PIK3CB: variants seen among roughly 807,000 people sequenced by gnomAD.
The protein encoded by PIK3CB is phosphatidylinositol 4,5-bisphosphate 3-kinase catalytic subunit beta isoform.
A neutral mutation model predicts 136.8 loss-of-function variants in PIK3CB; 39 were observed. The ratio of observed to expected loss-of-function variants is 0.29; its 90% CI spans 0.22 to 0.37. The LOEUF is 0.37. PIK3CB is among the 10% of genes least tolerant of loss of function. PIK3CB has a pLI of 1.00. For synonymous variants in PIK3CB, 428 were observed against 436.6 expected (o/e 0.98, Z 0.25); for missense variants, 868 against 1,275.4 (o/e 0.68, Z 4.87).
intron 19 of PIK3CB, among the ~76,000 whole-genome samples, chr3:138,677,530 A>G (rs974496094): frequency 9.2e-5 from 14 of 152,232 alleles, no homozygotes; most frequent in Admixed American, 5.9e-4. Context: ...TAGTTAAAAT[A>G]TAAGTGGTAG....
At chr3:138,811,083 T>C (rs1394902067) in intron 1 of PIK3CB, among the ~76,000 whole-genome samples, 2 of 151,184 alleles carry the variant, frequency 1.3e-5, no homozygotes, top group Non-Finnish European at 2.9e-5. Flanking sequence ...AAAAATAAGC[T>C]GGGCATGGTG....
Position 138,694,916 on chromosome 3 carries a change from A to G in PIK3CB, c.1771-9T>C. The G allele has an allele frequency of 6.3e-7, 1 of 1,591,790 alleles. No homozygotes were observed. Among genetic ancestry groups the G allele is most frequent in the East Asian group, 2.2e-5 (1 of 44,628 alleles). ...TGAAGCAGCGCCTGAAGCTGTTTAA[A>G]AAATGAAACTGGTTCAGAAATAATG... On this transcript the variant is annotated splice_polypyrimidine_tract_variant and intron_variant, in intron 13 of 23. Transcript: ENST00000674063.
intron 16 of PIK3CB, among the ~76,000 whole-genome samples, chr3:138,687,460 T>C (rs969674865): frequency 6.6e-6 from 1 of 152,194 alleles, no homozygotes; most frequent in African/African-American, 2.4e-5. Flanking sequence ...GGAAATGATG[T>C]AATACAATCT....
intron 8 of PIK3CB, among the ~76,000 whole-genome samples, chr3:138,724,549 G>A (rs1163884882): frequency 6.6e-6 from 1 of 152,166 alleles, no homozygotes; most frequent in Non-Finnish European, 1.5e-5. Context: ...CCGGTGTGGA[G>A]CTGAAAGTTC....
At chr3:138,692,114 C>T (rs1477918864) in intron 14 of PIK3CB, among the ~76,000 whole-genome samples, 2 of 152,144 alleles carry the variant, frequency 1.3e-5, no homozygotes, top group Non-Finnish European at 2.9e-5. Context: ...TTGTGTCAAT[C>T]TCCAAACCAT....
chr3:138,698,272 C>T (rs1276969279), intron 13 of PIK3CB, among the ~76,000 whole-genome samples: 4 of 152,050 alleles, frequency 2.6e-5, no homozygotes, highest in Admixed American at 6.5e-5. Flanking sequence ...TTTATTTGTT[C>T]TGATTAAAAA....
chr3:138,711,524 A>G lies in PIK3CB; in HGVS notation c.1399+684T>C, dbSNP rs567073193. ...AACCTGGGAGGCAGAGGTTGCAGTG[A>G]GCCAAGATCACACCATGGCACTCCA... On this transcript the variant is annotated intron_variant, in intron 10 of 23. Transcript: ENST00000674063. Among the ~76,000 whole-genome samples the G allele has an allele frequency of 1.2e-3, 164 of 140,498 alleles. 1 individual carries two copies. The highest frequency in any genetic ancestry group is 4.2e-3 in the African/African-American group (161 of 38,042). The allele number at this position is 140,498 out of a possible 152,430, so 92.2% of individuals were successfully genotyped here. A position where few individuals can be genotyped will look rare whatever the true frequency, so the allele number is the denominator to read the frequency against.
At chr3:138,790,047 A>C (rs2046030735) in intron 2 of PIK3CB, among the ~76,000 whole-genome samples, 1 of 152,212 alleles carries the variant, frequency 6.6e-6, no homozygotes, top group Admixed American at 6.5e-5. Context: ...ATGAACCTTA[A>C]AAATATAATG....
In PIK3CB at chr3:138,654,774, T is replaced by A. The variant is rs544603773; in HGVS notation, c.*615A>T. 1.9e-5 allele frequency: 4 copies of A among 212,700 alleles called. No homozygotes were observed. In the South Asian group the frequency reaches 7.5e-4, roughly 40 times the overall value. 13.2% of individuals were successfully genotyped at this position (212,700 alleles called of 1,614,324 possible). The stretch of plus-strand genomic sequence containing the variant: ...GTAGCATATTTATATATATTATATT[T>A]GCCTCACCAGTAGATTTTCAGCAAG... On this transcript the variant is annotated 3_prime_UTR_variant, in exon 24 of 24. Coordinates refer to ENST00000674063, the MANE Select transcript of PIK3CB (RefSeq NM_006219.3).
At chr3:138,681,394 T>C (rs900979440) in intron 19 of PIK3CB, among the ~76,000 whole-genome samples, 2 of 152,182 alleles carry the variant, frequency 1.3e-5, no homozygotes, top group African/African-American at 2.4e-5. Flanking sequence ...CTTTTCCTTA[T>C]GTTCACTTCT....
At chr3:138,817,343 C>T (rs1264204593) in intron 1 of PIK3CB, among the ~76,000 whole-genome samples, 1 of 150,916 alleles carries the variant, frequency 6.6e-6, no homozygotes, top group African/African-American at 2.4e-5. Flanking sequence ...TCTCAAAAAA[C>T]ACAAAAACAA....
intron 5 of PIK3CB, among the ~76,000 whole-genome samples, chr3:138,741,631 C>A (rs1363300581): frequency 6.6e-6 from 1 of 152,112 alleles, no homozygotes; most frequent in Non-Finnish European, 1.5e-5. Flanking sequence ...AAGTTTGAGA[C>A]TAGCCTGCCA....
chr3:138,787,343 G>T (rs932320012), intron 2 of PIK3CB, among the ~76,000 whole-genome samples: 2 of 148,810 alleles, frequency 1.3e-5, no homozygotes, highest in African/African-American at 5.0e-5. Context: ...TCCAGCCTGG[G>T]CGACAGAGCA....
chr3:138,685,420 A>AAAAAG (rs2043866681), intron 16 of PIK3CB, among the ~76,000 whole-genome samples: 16 of 86,988 alleles, frequency 1.8e-4, no homozygotes, highest in African/African-American at 5.1e-4. Flanking sequence ...AAAAAAAAAA[A>AAAAAG]AAAGAAAGAA....
chr3:138,678,090 T>C (rs1430535930), intron 19 of PIK3CB, among the ~76,000 whole-genome samples: 3 of 151,906 alleles, frequency 2.0e-5, no homozygotes, highest in African/African-American at 7.3e-5. Context: ...GAGAGCAACA[T>C]AGTGAGACTC....
At chr3:138,679,315 T>A (rs2043712774) in intron 19 of PIK3CB, among the ~76,000 whole-genome samples, 1 of 152,006 alleles carries the variant, frequency 6.6e-6, no homozygotes. Flanking sequence ...GAAATTAAAT[T>A]TTATTTATTT....
chr3:138,819,347 C>CAA (rs201136042), intron 1 of PIK3CB, among the ~76,000 whole-genome samples: 1 of 106,158 alleles, frequency 9.4e-6, no homozygotes, highest in Non-Finnish European at 2.0e-5. Flanking sequence ...ACTCCGTCTC[C>CAA]AAAAAAAAAA....
Position 138,653,077 on chromosome 3 carries a change from G to A in PIK3CB, c.*2312C>T, listed in dbSNP as rs544023821. On this transcript the variant is annotated 3_prime_UTR_variant, in exon 24 of 24. Transcript: ENST00000674063. ...AACACAGAATACTATAAATCATTGC[G>A]GATATAAATGAAAGATAATCTAAAT... 10 of 191,544 alleles carry A rather than the reference G, an allele frequency of 5.2e-5. No homozygotes were observed. The highest frequency in any genetic ancestry group is 1.2e-4 in the African/African-American group (5 of 43,118). 11.9% of individuals were successfully genotyped at this position (191,544 alleles called of 1,614,324 possible).
At position 138,685,006 on chromosome 3, in the gene PIK3CB, A is replaced by G. The variant is rs568617501; in HGVS notation, c.2137-203T>C. The G allele has an allele frequency of 3.2e-5, 15 of 469,606 alleles. 1 individual carries two copies. In the South Asian group the frequency reaches 5.3e-4, roughly 17 times the overall value. The allele number at this position is 469,606 out of a possible 1,614,324, so 29.1% of individuals were successfully genotyped here. ...TATTTTTAACAGTTGTTATAGCATC[A>G]TTTTCAAACTTTCTTTAAACCTTTT... On this transcript the variant is annotated intron_variant, in intron 16 of 23. Transcript: ENST00000674063.
Sources: gnomAD v4.1 joint callset for allele counts (sites outside exome capture counted in the v4.1 genomes callset) on GRCh38, gnomAD v4.1.1 for gene constraint, MANE v1.5 for transcripts, NCBI Gene and HGNC (gene_info 2026-07-23, HGNC 2026-07-21) for gene names.